Variants in NTM observed in about 807,000 individuals in gnomAD.
NTM encodes neurotrimin.
In NTM, 13 loss-of-function variants were observed where a neutral mutation model predicts 42.1. The observed-to-expected ratio is 0.31, with a 90% CI of 0.20 to 0.49. The LOEUF (loss-of-function observed/expected upper bound fraction) is 0.49. NTM is among the 20% of genes least tolerant of loss of function. NTM has a pLI of 0.99. For missense variants in NTM, 373 were observed against 452.8 expected (o/e 0.82, Z 1.60); for synonymous variants, 187 against 179.2 (o/e 1.04, Z -0.35).
In NTM at chr11:132,146,822, TTTTTGTTTTG is replaced by T. The variant is rs975791105; in HGVS notation, c.400+323_400+332del. ...GTTTTAGTTATTTTTGTTTGTTTGT[TTTTTGTTTTG>T]TTTTGTTTTGTTTTTTAGATTTCAT... On this transcript the variant is annotated intron_variant, in intron 3 of 8. Transcript: ENST00000683400. This position sits in a 1 kb window ranked among gnomAD's most constrained non-coding sequence, Gnocchi z 4.5. 2.6e-6 allele frequency: 1 copy of T among 377,770 alleles called. No homozygotes were observed. The highest frequency in any genetic ancestry group is 4.7e-6 in the Non-Finnish European group (1 of 211,606). The allele number at this position is 377,770 out of a possible 1,614,324, so 23.4% of individuals were successfully genotyped here.
At chr11:131,513,418 G>C (rs2048503870) in intron 1 of NTM, among the ~76,000 whole-genome samples, 2 of 151,964 alleles carry the variant, frequency 1.3e-5, no homozygotes, top group African/African-American at 4.8e-5. Context: ...AGCTAGACCG[G>C]AAATACTGAC....
At chr11:131,373,824 T>TGA (rs1941559035) in intron 1 of NTM, among the ~76,000 whole-genome samples, 1 of 152,116 alleles carries the variant, frequency 6.6e-6, no homozygotes, top group African/African-American at 2.4e-5. Flanking sequence ...TCACCTCTCC[T>TGA]CACATCCCGC....
intron 1 of NTM, among the ~76,000 whole-genome samples, chr11:131,888,944 G>A (rs1019772168): frequency 3.3e-5 from 5 of 150,896 alleles, no homozygotes; most frequent in African/African-American, 7.3e-5. Context: ...GACAAGGACC[G>A]TGGACATAAT....
At chr11:131,561,096 G>A (rs1415169266) in intron 1 of NTM, among the ~76,000 whole-genome samples, 1 of 152,192 alleles carries the variant, frequency 6.6e-6, no homozygotes, top group Admixed American at 6.5e-5. Context: ...AATCTGAAGG[G>A]AACAAGCGCA....
chr11:131,786,485 G>C (rs2089247088), intron 1 of NTM, among the ~76,000 whole-genome samples: 1 of 152,138 alleles, frequency 6.6e-6, no homozygotes, highest in East Asian at 1.9e-4. Flanking sequence ...ACAGAGGTTG[G>C]AGGAAAGCAA....
chr11:131,874,030 A>AATATATATATATATAT (rs59083400), intron 1 of NTM, among the ~76,000 whole-genome samples: 1 of 76,634 alleles, frequency 1.3e-5, no homozygotes, highest in Non-Finnish European at 2.9e-5. Flanking sequence ...AATATAATAT[A>AATATATATATATATAT]ATATATATAT....
intron 3 of NTM, among the ~76,000 whole-genome samples, chr11:132,163,133 C>T (rs189432309): frequency 6.6e-6 from 1 of 152,300 alleles, no homozygotes; most frequent in African/African-American, 2.4e-5. Flanking sequence ...TGTTCTGGCC[C>T]AGCCACGGGC....
chr11:131,531,034 C>T (rs1436073129), intron 1 of NTM, among the ~76,000 whole-genome samples: 1 of 152,182 alleles, frequency 6.6e-6, no homozygotes, highest in South Asian at 2.1e-4. Context: ...GCTTCTCTGG[C>T]CACCATTTAA....
At chr11:131,487,160 G>A (rs1012135888) in intron 1 of NTM, among the ~76,000 whole-genome samples, 2 of 152,174 alleles carry the variant, frequency 1.3e-5, no homozygotes, top group African/African-American at 2.4e-5. Context: ...TGGGCCCCTG[G>A]AAGCCTGCCA....
Position 132,146,499 on chromosome 11 carries a change from C to A in NTM, c.385C>A (p.His129Asn). ...TDNHPKTSRV[H>N]LIVQVSPKIV... ...CAACCACCCAAAGACCTCTAGGGTC[C>A]ACCTCATTGTGCAAGGTAGGTGGGC... The change falls in exon 3 of 9, where the codon CAC (histidine) becomes AAC (asparagine). Residue 129 changes from histidine to asparagine, a missense_variant. His to Asn is a moderately conservative substitution (Grantham distance 68). Around this residue, in one of 3 missense-constraint regions of NTM, gnomAD observed 312 missense variants for 353.5 expected, o/e 0.88. Coordinates refer to ENST00000683400, the MANE Select transcript of NTM (RefSeq NM_001352005.2). This position sits in a 1 kb window ranked among gnomAD's most constrained non-coding sequence, Gnocchi z 4.5. 1 of 1,614,124 alleles carries A rather than the reference C, an allele frequency of 6.2e-7. No homozygotes were observed.
intron 1 of NTM, chr11:131,539,238 A>G (rs2052795162): frequency 6.6e-6 from 1 of 152,202 alleles, no homozygotes; most frequent in Non-Finnish European, 1.5e-5. Context: ...CAAAAAGCCA[A>G]TCCATCAAGG....
chr11:131,455,289 C>T (rs1050219871), intron 1 of NTM, among the ~76,000 whole-genome samples: 1 of 152,130 alleles, frequency 6.6e-6, no homozygotes, highest in African/African-American at 2.4e-5. Context: ...GAGTAGACGG[C>T]CCAAGCGGAG....
intron 1 of NTM, among the ~76,000 whole-genome samples, chr11:131,550,342 T>G (rs545864781): frequency 5.3e-5 from 8 of 152,258 alleles, no homozygotes; most frequent in African/African-American, 1.9e-4. Flanking sequence ...GTGACAGGGT[T>G]TGAGACTGTG....
chr11:131,398,729 A>G (rs1177591205), intron 1 of NTM, among the ~76,000 whole-genome samples: 1 of 152,124 alleles, frequency 6.6e-6, no homozygotes, highest in Non-Finnish European at 1.5e-5. Context: ...TATTACCACC[A>G]ATACTCTTAC....
At chr11:131,652,065 G>C (rs2066566114) in intron 1 of NTM, among the ~76,000 whole-genome samples, 1 of 145,812 alleles carries the variant, frequency 6.9e-6, no homozygotes, top group East Asian at 2.1e-4. Context: ...ACAGGATTGG[G>C]AGCATGTCAC....
intron 2 of NTM, among the ~76,000 whole-genome samples, chr11:132,128,853 G>A (rs1273241387): frequency 2.0e-5 from 3 of 149,592 alleles, no homozygotes; most frequent in Non-Finnish European, 4.4e-5. Flanking sequence ...CAGGAGAATG[G>A]CATGAATCCG....
At chr11:131,714,181 T>C (rs1370517410) in intron 1 of NTM, among the ~76,000 whole-genome samples, 1 of 151,090 alleles carries the variant, frequency 6.6e-6, no homozygotes, top group Non-Finnish European at 1.5e-5. Flanking sequence ...CAGCTTCAGA[T>C]TTTTATTTAT....
At chr11:131,824,934 C>A (rs988224699) in intron 1 of NTM, among the ~76,000 whole-genome samples, 1 of 152,170 alleles carries the variant, frequency 6.6e-6, no homozygotes, top group African/African-American at 2.4e-5. Context: ...AGAAGGAACA[C>A]GGCATGTACG....
chr11:132,221,237 A>G (rs985765452), intron 4 of NTM, among the ~76,000 whole-genome samples: 1 of 152,216 alleles, frequency 6.6e-6, no homozygotes, highest in African/African-American at 2.4e-5. Flanking sequence ...CAATCATAAC[A>G]ATAGCTAACA....
Sources: gnomAD v4.1 joint callset for allele counts (sites outside exome capture counted in the v4.1 genomes callset) on GRCh38, gnomAD v4.1.1 for gene constraint, gnomAD v4.1.1 regional missense constraint, Gnocchi (gnomAD v3.1) non-coding constraint, MANE v1.5 for transcripts, NCBI Gene and HGNC (gene_info 2026-07-23, HGNC 2026-07-21) for gene names.